BNC2: variants seen among roughly 807,000 people sequenced by gnomAD.
BNC2 encodes the protein basonuclin zinc finger protein 2.
BNC2 carries 20 observed loss-of-function variants against 76.3 expected under a neutral mutation model. The observed-to-expected ratio is 0.26, with a 90% confidence interval of 0.18 to 0.38. The LOEUF (loss-of-function observed/expected upper bound fraction) is 0.38. Among genes scored for constraint, BNC2 ranks in the 10% least tolerant of loss-of-function variants. BNC2 has a pLI of 1.00. For missense variants in BNC2, 1,382 were observed against 1,399.8 expected (o/e 0.99, Z 0.20); for synonymous variants, 582 against 514.8 (o/e 1.13, Z -1.77).
intron 2 of BNC2, among the ~76,000 whole-genome samples, chr9:16,729,613 G>C (rs902428326): frequency 1.3e-5 from 2 of 152,088 alleles, no homozygotes; most frequent in Non-Finnish European, 2.9e-5. Context: ...TATCTGAGAG[G>C]AAACAAACAA....
intron 5 of BNC2, among the ~76,000 whole-genome samples, chr9:16,510,310 G>A (rs1255073142): frequency 6.6e-6 from 1 of 152,158 alleles, no homozygotes; most frequent in African/African-American, 2.4e-5. Context: ...CTGCTGAGTT[G>A]CTGATTTTCC....
chr9:16,735,547 A>T (rs1341080268), intron 2 of BNC2, among the ~76,000 whole-genome samples: 1 of 152,114 alleles, frequency 6.6e-6, no homozygotes, highest in African/African-American at 2.4e-5. Context: ...TCTAGGCTGG[A>T]GTGCAGTGCC....
intron 5 of BNC2, among the ~76,000 whole-genome samples, chr9:16,452,028 G>A (rs974285306): frequency 2.0e-5 from 3 of 152,190 alleles, no homozygotes; most frequent in South Asian, 2.1e-4. Flanking sequence ...GAATCTAGCT[G>A]ACCTGACCTG....
intron 3 of BNC2, among the ~76,000 whole-genome samples, chr9:16,648,906 C>G (rs958291609): frequency 2.0e-5 from 3 of 152,128 alleles, no homozygotes; most frequent in Non-Finnish European, 4.4e-5. Flanking sequence ...ATGAGGTACT[C>G]AAACTATGAT....
At chr9:16,602,656 G>A (rs7856477) in intron 3 of BNC2, among the ~76,000 whole-genome samples, 27,952 of 152,122 alleles carry the variant, frequency 0.18, 4,892 homozygotes, top group African/African-American at 0.46. Flanking sequence ...ATGGGGTTTT[G>A]GAGACATGGA....
intron 3 of BNC2, among the ~76,000 whole-genome samples, chr9:16,678,376 C>T (rs1355170544): frequency 7.5e-6 from 1 of 134,154 alleles, no homozygotes; most frequent in Non-Finnish European, 1.5e-5. Flanking sequence ...CCTCCCAATT[C>T]TCGTGCCTCA....
At chr9:16,525,254 TA>T (rs1048162370) in intron 5 of BNC2, among the ~76,000 whole-genome samples, 2 of 151,184 alleles carry the variant, frequency 1.3e-5, no homozygotes, top group Non-Finnish European at 3.0e-5. Context: ...ACACAAAACT[TA>T]AAAAAAGAAA....
intron 5 of BNC2, among the ~76,000 whole-genome samples, chr9:16,535,973 C>T (rs1016329665): frequency 1.3e-5 from 2 of 152,098 alleles, no homozygotes; most frequent in African/African-American, 4.8e-5. Context: ...CCCCAACCAA[C>T]AGCCAGTAAC....
intron 5 of BNC2, among the ~76,000 whole-genome samples, chr9:16,456,012 C>T (rs1240278160): frequency 6.6e-6 from 1 of 151,982 alleles, no homozygotes; most frequent in Non-Finnish European, 1.5e-5. Context: ...GCTCAAGCCA[C>T]TGCTTAGGAT....
chr9:16,486,835 C>A (rs1822173835), intron 5 of BNC2, among the ~76,000 whole-genome samples: 1 of 152,102 alleles, frequency 6.6e-6, no homozygotes, highest in South Asian at 2.1e-4. Flanking sequence ...AAGCGATCCT[C>A]CTGCCTCAGC....
chr9:16,839,946 A>T (rs1702992100), intron 1 of BNC2, among the ~76,000 whole-genome samples: 1 of 152,202 alleles, frequency 6.6e-6, no homozygotes, highest in African/African-American at 2.4e-5. Context: ...AACTCCTTCC[A>T]ATGACCCAAG....
intron 5 of BNC2, among the ~76,000 whole-genome samples, chr9:16,537,787 A>T (rs1344596831): frequency 1.3e-5 from 2 of 152,206 alleles, no homozygotes; most frequent in Non-Finnish European, 2.9e-5. Context: ...GGTCTAGGAA[A>T]CCACAACTTA....
intron 5 of BNC2, among the ~76,000 whole-genome samples, chr9:16,486,071 C>T (rs1052339812): frequency 6.6e-6 from 1 of 152,136 alleles, no homozygotes; most frequent in Non-Finnish European, 1.5e-5. Context: ...TCAAGATTTC[C>T]CCAAGGCTCC....
chr9:16,845,789 T>C (rs1159657527), intron 1 of BNC2, among the ~76,000 whole-genome samples: 1 of 152,004 alleles, frequency 6.6e-6, no homozygotes, highest in Non-Finnish European at 1.5e-5. Context: ...GAACACAAAA[T>C]GTTCAAGTTC....
chr9:16,802,532 A>G (rs1011006610), intron 1 of BNC2, among the ~76,000 whole-genome samples: 2 of 152,242 alleles, frequency 1.3e-5, no homozygotes, highest in East Asian at 3.8e-4. Context: ...GCAAATGTGC[A>G]TTGGTCTTGC....
At chr9:16,847,246 T>A (rs1217510217) in intron 1 of BNC2, among the ~76,000 whole-genome samples, 1 of 152,128 alleles carries the variant, frequency 6.6e-6, no homozygotes, top group Non-Finnish European at 1.5e-5. Flanking sequence ...TTTGGCACTA[T>A]ATGACAGAGA....
chr9:16,494,617 A>C (rs1276747015), intron 5 of BNC2, among the ~76,000 whole-genome samples: 1 of 152,206 alleles, frequency 6.6e-6, no homozygotes, highest in Admixed American at 6.5e-5. Context: ...AGGGAAAAGG[A>C]ACAGCGAAGA....
intron 3 of BNC2, among the ~76,000 whole-genome samples, chr9:16,626,678 AACAC>A (rs113705597): frequency 6.0e-5 from 9 of 149,766 alleles, no homozygotes; most frequent in African/African-American, 1.2e-4. Flanking sequence ...GTAAAAGGCA[AACAC>A]ACACACACAC....
intron 4 of BNC2, among the ~76,000 whole-genome samples, chr9:16,582,708 C>T (rs1255200773): frequency 1.3e-5 from 2 of 152,186 alleles, no homozygotes; most frequent in Non-Finnish European, 1.5e-5. Flanking sequence ...GCTGGCTGCG[C>T]CCATGCTCAG....
Sources: allele counts gnomAD v4.1 joint callset (sites outside exome capture counted in the v4.1 genomes callset), GRCh38; gene constraint gnomAD v4.1.1; transcripts MANE v1.5; gene names NCBI Gene and HGNC (gene_info 2026-07-23, HGNC 2026-07-21).